The following GALNT9 variants were observed in gnomAD, a reference collection of about 807,000 sequenced individuals.
GALNT9 encodes the protein GalNAc transferase 9.
Under a neutral mutation model 63.1 loss-of-function variants are expected in GALNT9, and 47 were observed. That is an observed-to-expected ratio of 0.75 (90% CI 0.59 to 0.95). The LOEUF is 0.95. GALNT9 is among the 40% of genes least tolerant of loss of function. The probability of loss-of-function intolerance (pLI) is 0.00; values close to 1 mark genes in which losing one functional copy is unlikely to be tolerated. For synonymous variants in GALNT9, 396 were observed against 365.7 expected, an observed-to-expected ratio of 1.08 and a Z score of -0.94; for missense variants, 829 against 874.8, an observed-to-expected ratio of 0.95 and a Z score of 0.66.
At chr12:132,214,974 C>A (rs1206408794) in intron 6 of GALNT9, among the ~76,000 whole-genome samples, 2 of 152,246 alleles carry the variant, frequency 1.3e-5, no homozygotes, top group African/African-American at 4.8e-5. Context: ...ACAGGCAAAG[C>A]CAGCGTGAGG....
At chr12:132,302,375 T>C (rs1555243917) in intron 1 of GALNT9, among the ~76,000 whole-genome samples, 1 of 152,220 alleles carries the variant, frequency 6.6e-6, no homozygotes, top group East Asian at 1.9e-4. Flanking sequence ...GATCCATGTA[T>C]CTGGTGTCTG....
intron 7 of GALNT9, 96 bp downstream of exon 7, chr12:132,203,409 G>T (rs1313065619): frequency 6.2e-6 from 7 of 1,129,286 alleles, no homozygotes; most frequent in East Asian, 2.5e-5. Flanking sequence ...CACACCTGCA[G>T]GGGGCCCTAG....
In GALNT9 at chr12:132,327,342, G is replaced by A. The variant is rs1278920476; in HGVS notation, c.238+1624C>T. Among the ~76,000 whole-genome samples, 1 of 152,058 alleles carries A rather than the reference G, an allele frequency of 6.6e-6. No individual in the cohort carries two copies. The highest frequency in any genetic ancestry group is 1.5e-5 in the Non-Finnish European group (1 of 68,010). ...GAATGCTTCCTTATCTCCCGCCAAT[G>A]TCAGCAAAGCGGATCATGGGTCCTG... On this transcript the variant is annotated intron_variant, in intron 1 of 10. Transcript: ENST00000328957. This position sits in a 1 kb window ranked among gnomAD's most constrained non-coding sequence, Gnocchi z 4.3.
intron 6 of GALNT9, among the ~76,000 whole-genome samples, chr12:132,227,958 C>T (rs1451239484): frequency 1.3e-5 from 2 of 152,150 alleles, no homozygotes; most frequent in Non-Finnish European, 2.9e-5. Context: ...AGCCTGGAGG[C>T]CTGGTTGACC....
intron 1 of GALNT9, among the ~76,000 whole-genome samples, chr12:132,322,752 G>A (rs1311826460): frequency 1.1e-4 from 17 of 152,330 alleles, no homozygotes; most frequent in Non-Finnish European, 1.5e-4. Context: ...GGGACCGGGC[G>A]CAGAGCCCAG....
intron 6 of GALNT9, among the ~76,000 whole-genome samples, chr12:132,244,159 T>G (rs1293234153): frequency 7.5e-6 from 1 of 132,642 alleles, no homozygotes; most frequent in Non-Finnish European, 1.7e-5. Context: ...CAGCCTGCGG[T>G]GCCTCCACGG....
intron 2 of GALNT9, chr12:132,283,945 G>A (rs909281140): frequency 1.3e-5 from 2 of 151,730 alleles, no homozygotes; most frequent in Non-Finnish European, 2.9e-5. Flanking sequence ...GGGTCTTCCT[G>A]CCACACAGCT....
At chr12:132,284,883 C>T (rs1880529369) in intron 2 of GALNT9, among the ~76,000 whole-genome samples, 1 of 152,242 alleles carries the variant, frequency 6.6e-6, no homozygotes, top group East Asian at 1.9e-4. Context: ...CTCCCTGCAC[C>T]CCTGGACCCT....
rs782722321 is a variant in GALNT9, at chr12:132,310,883, G to A, written c.238+18083C>T. On this transcript the variant is annotated intron_variant, in intron 1 of 10. Transcript: ENST00000328957. The surrounding 1 kb of genome is among the most constrained non-coding windows in gnomAD (Gnocchi z 4.8). ...CCGGCTGTCCTGTTTTGGAGCCTCC[G>A]CCTGTCCACAGCCATCCTTCAGGGC... Among the ~76,000 whole-genome samples, 37 of 152,068 alleles carry A rather than the reference G, an allele frequency of 2.4e-4. No individual in the cohort carries two copies. The highest frequency in any genetic ancestry group is 3.7e-4 in the Non-Finnish European group (25 of 68,002).
intron 6 of GALNT9, among the ~76,000 whole-genome samples, chr12:132,210,278 T>G (rs1318811893): frequency 6.6e-6 from 1 of 152,230 alleles, no homozygotes; most frequent in Non-Finnish European, 1.5e-5. Context: ...GGACTGACGT[T>G]GTCTTTGGCG....
At chr12:132,235,144 A>G (rs1196721742) in intron 6 of GALNT9, among the ~76,000 whole-genome samples, 4 of 111,200 alleles carry the variant, frequency 3.6e-5, no homozygotes, top group Non-Finnish European at 6.9e-5. Flanking sequence ...CCCTAGTGCC[A>G]CACACTCGAT....
intron 6 of GALNT9, among the ~76,000 whole-genome samples, chr12:132,239,669 C>G (rs1256123513): frequency 6.8e-6 from 1 of 147,350 alleles, no homozygotes; most frequent in African/African-American, 2.6e-5. Context: ...CAGAGAGAGA[C>G]AGAGAGACAA....
intron 10 of GALNT9, 71 bp from the exon 11 acceptor site, chr12:132,197,324 G>T: frequency 6.4e-7 from 1 of 1,571,800 alleles, no homozygotes; most frequent in South Asian, 1.2e-5. Context: ...CCTCAGGGAG[G>T]CTGCTTCGTG....
At chr12:132,206,606 C>T (rs2135510301) in intron 6 of GALNT9, among the ~76,000 whole-genome samples, 1 of 150,466 alleles carries the variant, frequency 6.6e-6, no homozygotes. Context: ...GAGATCACAC[C>T]ACTGCACTGC....
intron 1 of GALNT9, among the ~76,000 whole-genome samples, chr12:132,292,976 C>T (rs1038980648): frequency 2.0e-5 from 3 of 152,332 alleles, no homozygotes; most frequent in East Asian, 3.9e-4. Flanking sequence ...GGGTCCAGAA[C>T]GCACATCCCT....
rs753350743 is a variant in GALNT9, at chr12:132,197,059, C to T, written c.*48G>A. On this transcript the variant is annotated 3_prime_UTR_variant, in exon 11 of 11. Coordinates refer to ENST00000328957, the MANE Select transcript of GALNT9 (RefSeq NM_001122636.2). Reference sequence around the variant, plus strand: ...CCCCGGTCACTCAGCCACACTGGCTCGGCCCAGCGCCTTCCCGAGGTCTGT... The same window carrying T: ...CCCCGGTCACTCAGCCACACTGGCTTGGCCCAGCGCCTTCCCGAGGTCTGT... 69 of 1,602,514 alleles carry T rather than the reference C, an allele frequency of 4.3e-5. No homozygotes were observed. The highest frequency in any genetic ancestry group is 3.5e-4 in the Middle Eastern group (2 of 5,684).
Position 132,316,681 on chromosome 12 carries a change from AC to A in GALNT9, c.238+12284del, listed in dbSNP as rs1178359002. On this transcript the variant is annotated intron_variant, in intron 1 of 10. Transcript: ENST00000328957. This position sits in a 1 kb window ranked among gnomAD's most constrained non-coding sequence, Gnocchi z 4.3. ...CCGTGCTCTGTGTAGTCCCTCAGCC[AC>A]CCTTTCAGATCCGACAGGGACGCCC... is the stretch of plus-strand genomic sequence containing the variant. 6.6e-6 allele frequency among the ~76,000 whole-genome samples: 1 copy of A among 151,612 alleles called. No homozygotes were observed. Among genetic ancestry groups the A allele is most frequent in the Admixed American group, 6.6e-5 (1 of 15,234 alleles).
At chr12:132,202,429 A>C (rs1392771214) in intron 7 of GALNT9, among the ~76,000 whole-genome samples, 1 of 152,172 alleles carries the variant, frequency 6.6e-6, no homozygotes, top group Non-Finnish European at 1.5e-5. Context: ...CTGGATTTGC[A>C]GTGAATGGTC....
At chr12:132,307,539 T>C (rs1223079414) in intron 1 of GALNT9, among the ~76,000 whole-genome samples, 2 of 151,878 alleles carry the variant, frequency 1.3e-5, no homozygotes, top group African/African-American at 4.8e-5. Context: ...CAGTGTCTTA[T>C]AAGAGAGAAG....
Sources: gnomAD v4.1 joint callset for allele counts (sites outside exome capture counted in the v4.1 genomes callset) on GRCh38, gnomAD v4.1.1 for gene constraint, Gnocchi (gnomAD v3.1) non-coding constraint, MANE v1.5 for transcripts, NCBI Gene and HGNC (gene_info 2026-07-23, HGNC 2026-07-21) for gene names.